Variants in GRIN2B observed in about 807,000 individuals in gnomAD.
The protein encoded by GRIN2B is glutamate receptor ionotropic, NMDA 2B.
A neutral mutation model predicts 114.5 loss-of-function variants in GRIN2B; 5 were observed. That is an observed-to-expected ratio of 0.04 (90% CI 0.02 to 0.09). The LOEUF is 0.09. Among genes scored for constraint, GRIN2B ranks in the 10% least tolerant of loss-of-function variants. The pLI is 1.00. For synonymous variants in GRIN2B, 787 were observed against 745.1 expected (o/e 1.06, Z -0.92); for missense variants, 1,108 against 1,943.5 (o/e 0.57, Z 8.08).
At chr12:13,729,956 T>C (rs1376879590) in intron 4 of GRIN2B, among the ~76,000 whole-genome samples, 1 of 151,564 alleles carries the variant, frequency 6.6e-6, no homozygotes, top group East Asian at 1.9e-4. Context: ...TCAGCACATG[T>C]ATCTTTGCTC....
chr12:13,563,636 A>G lies in GRIN2B; in HGVS notation c.3602T>C (p.Leu1201Pro). The G allele has an allele frequency of 6.2e-7, 1 of 1,613,892 alleles. No individual in the cohort carries two copies. Among genetic ancestry groups the G allele is most frequent in the Non-Finnish European group, 8.5e-7 (1 of 1,180,010 alleles). The change falls in exon 14 of 14, where the codon CTG becomes CCG. Residue 1201 changes from leucine (L) to proline (P), a missense_variant. By Grantham distance (98) the Leu-to-Pro change is moderately conservative (BLOSUM62 -3). This residue lies in a region of GRIN2B where 478 missense variants were observed against 506.0 expected (regional missense o/e 0.94). Coordinates refer to ENST00000609686, the MANE Select transcript of GRIN2B (RefSeq NM_000834.5). The part of the protein sequence containing the change: ...SGVPAPWEKN[L>P]TNVEWEDRSG... ...CCGGTCCTCCCACTCCACGTTGGTCAGGTTCTTCTCCCAAGGTGCAGGTAC... is the reference window on the plus strand; with the variant it reads ...CCGGTCCTCCCACTCCACGTTGGTCGGGTTCTTCTCCCAAGGTGCAGGTAC...
chr12:13,719,583 T>G (rs1950489621), intron 4 of GRIN2B, among the ~76,000 whole-genome samples: 1 of 152,124 alleles, frequency 6.6e-6, no homozygotes, highest in South Asian at 2.1e-4. Flanking sequence ...CACAGTACAA[T>G]GTGCAGGGAT....
intron 5 of GRIN2B, among the ~76,000 whole-genome samples, chr12:13,647,490 A>G (rs1346833097): frequency 1.3e-5 from 2 of 152,078 alleles, no homozygotes; most frequent in Non-Finnish European, 2.9e-5. Context: ...ATAACTATGT[A>G]TGGATTACAA....
chr12:13,797,749 C>CA (rs1407257397), intron 3 of GRIN2B, among the ~76,000 whole-genome samples: 1 of 152,170 alleles, frequency 6.6e-6, no homozygotes, highest in Non-Finnish European at 1.5e-5. Flanking sequence ...ACTCTATAAA[C>CA]AGACTTTACA....
intron 10 of GRIN2B, among the ~76,000 whole-genome samples, chr12:13,585,416 T>C (rs577533030): frequency 3.9e-5 from 6 of 152,322 alleles, no homozygotes; most frequent in South Asian, 2.1e-4. Flanking sequence ...TACTGTCACA[T>C]TGTGACCCAC....
In GRIN2B at chr12:13,753,484, T is replaced by C. The variant is rs201585449; in HGVS notation, c.843A>G (p.Ser281=). 3 of 1,614,178 alleles carry C rather than the reference T, an allele frequency of 1.9e-6. No individual in the cohort carries two copies. Among genetic ancestry groups the C allele is most frequent in the Non-Finnish European group, 2.5e-6 (3 of 1,180,022 alleles). The change falls in exon 4 of 14, where the codon TCA becomes TCG. Residue 281 remains serine (S), a synonymous_variant. Transcript: ENST00000609686. This position sits in a 1 kb window ranked among gnomAD's most constrained non-coding sequence, Gnocchi z 6.2. ...GGAGGCCATAGTCCCATTCATCATATGATACAGAGATGAGCCCAGTGGGGA... is the reference window on the plus strand; with the variant it reads ...GGAGGCCATAGTCCCATTCATCATACGATACAGAGATGAGCCCAGTGGGGA... ...AEFPTGLISV[S]YDEWDYGLPA...
chr12:13,935,681 A>C (rs1186815916), intron 2 of GRIN2B, among the ~76,000 whole-genome samples: 1 of 152,218 alleles, frequency 6.6e-6, no homozygotes, highest in Non-Finnish European at 1.5e-5. Context: ...CATACATATA[A>C]AGTAAATGGA....
intron 3 of GRIN2B, among the ~76,000 whole-genome samples, chr12:13,781,580 T>C (rs939558404): frequency 2.0e-5 from 3 of 152,224 alleles, no homozygotes; most frequent in Non-Finnish European, 4.4e-5. Context: ...TAAAGAAATT[T>C]AAGCTGCTTA....
At chr12:13,594,433 C>T (rs1339148518) in intron 10 of GRIN2B, among the ~76,000 whole-genome samples, 1 of 149,272 alleles carries the variant, frequency 6.7e-6, no homozygotes, top group East Asian at 2.0e-4. Flanking sequence ...CACAGAAAAC[C>T]AAATATCACA....
intron 5 of GRIN2B, among the ~76,000 whole-genome samples, chr12:13,627,041 G>A (rs1187353724): frequency 6.6e-6 from 1 of 151,912 alleles, no homozygotes; most frequent in Non-Finnish European, 1.5e-5. Context: ...TGTTAAGTCA[G>A]TCTCAATCTA....
chr12:13,675,867 G>A lies in GRIN2B; in HGVS notation c.1011-8C>T, dbSNP rs775178887. On this transcript the variant is annotated splice_region_variant and splice_polypyrimidine_tract_variant and intron_variant, in intron 4 of 13. Transcript: ENST00000609686. ...GTGACATTGATCAGATACCTGTAAA[G>A]ATAAAATAAAAGGAAGATTAAAAGT... 2 of 1,451,562 alleles carry A rather than the reference G, an allele frequency of 1.4e-6. No homozygotes were observed. The highest frequency in any genetic ancestry group is 1.1e-5 in the South Asian group (1 of 87,920). 89.9% of individuals were successfully genotyped at this position (1,451,562 alleles called of 1,614,324 possible). A position where few individuals can be genotyped will look rare whatever the true frequency, so the allele number is the denominator to read the frequency against.
In GRIN2B at chr12:13,589,336, A is replaced by G. The variant is rs1218438358; in HGVS notation, c.2011-17372T>C. Reference sequence around the variant, plus strand: ...TGGTAACAGGTAGAATCCAAGTTGAACAAGGGGCTTACAAGGTGATTGAGG... The same window carrying G: ...TGGTAACAGGTAGAATCCAAGTTGAGCAAGGGGCTTACAAGGTGATTGAGG... On this transcript the variant is annotated intron_variant, in intron 10 of 13. Coordinates refer to ENST00000609686, the MANE Select transcript of GRIN2B (RefSeq NM_000834.5). 8.5e-5 allele frequency among the ~76,000 whole-genome samples: 13 copies of G among 152,326 alleles called. No individual in the cohort carries two copies. The East Asian group carries it at 2.5e-3, about 29-fold the overall frequency.
intron 4 of GRIN2B, among the ~76,000 whole-genome samples, chr12:13,728,513 CT>C (rs1863030972): frequency 1.3e-5 from 2 of 152,006 alleles, no homozygotes; most frequent in Admixed American, 1.3e-4. Flanking sequence ...ACACAGAGAG[CT>C]GTAGTTTGGG....
At chr12:13,724,270 T>A (rs1862936482) in intron 4 of GRIN2B, among the ~76,000 whole-genome samples, 1 of 152,032 alleles carries the variant, frequency 6.6e-6, no homozygotes, top group Admixed American at 6.6e-5. Context: ...GGGATGAATA[T>A]CTAGGAGGAA....
chr12:13,829,940 T>A (rs775868354), intron 3 of GRIN2B, among the ~76,000 whole-genome samples: 1 of 152,068 alleles, frequency 6.6e-6, no homozygotes, highest in Non-Finnish European at 1.5e-5. Flanking sequence ...AGTGGTAAAG[T>A]GAGCTGGCAG....
rs1228308386 is a variant in GRIN2B at position 13,778,579 on chromosome 12, CCA to C, written c.412-24666_412-24665del. On this transcript the variant is annotated intron_variant, in intron 3 of 13. Transcript: ENST00000609686. ...GCACCCAGAGGCCTCAGAGCAGCTGCCATTTACTAACTAGTATAGAGAGTTCC... is the reference window on the plus strand; with the variant it reads ...GCACCCAGAGGCCTCAGAGCAGCTGCTTTACTAACTAGTATAGAGAGTTCC... Among the ~76,000 whole-genome samples, 296 of 152,276 alleles carry C rather than the reference CCA, an allele frequency of 1.9e-3. 2 individuals carry two copies. Among genetic ancestry groups the C allele is most frequent in the African/African-American group, 6.8e-3 (283 of 41,562 alleles).
intron 5 of GRIN2B, among the ~76,000 whole-genome samples, chr12:13,664,358 C>T (rs1949954713): frequency 6.6e-6 from 1 of 152,042 alleles, no homozygotes; most frequent in Non-Finnish European, 1.5e-5. Context: ...AAATGTTTCC[C>T]AAATTTCATT....
At chr12:13,594,928 C>T (rs1949053876) in intron 10 of GRIN2B, among the ~76,000 whole-genome samples, 1 of 152,168 alleles carries the variant, frequency 6.6e-6, no homozygotes, top group Non-Finnish European at 1.5e-5. Context: ...CAAGGCAATG[C>T]TACCACAGCT....
rs1362559379 is a variant in GRIN2B at position 13,557,381 on chromosome 12, G to A, written c.*5402C>T. On this transcript the variant is annotated 3_prime_UTR_variant, in exon 14 of 14. Transcript: ENST00000609686. ...AGGGCACCCCCTATGGAGGTGGAAA[G>A]TATAGGATATAGACCAACTCAGCTA... 1 of 152,194 alleles carries A rather than the reference G, an allele frequency of 6.6e-6. No homozygotes were observed. Among genetic ancestry groups the A allele is most frequent in the South Asian group, 2.1e-4 (1 of 4,826 alleles). 9.4% of individuals were successfully genotyped at this position (152,194 alleles called of 1,614,324 possible).
Sources: gnomAD v4.1 joint callset for allele counts (sites outside exome capture counted in the v4.1 genomes callset) on GRCh38, gnomAD v4.1.1 for gene constraint, gnomAD v4.1.1 regional missense constraint, Gnocchi (gnomAD v3.1) non-coding constraint, MANE v1.5 for transcripts, NCBI Gene and HGNC (gene_info 2026-07-23, HGNC 2026-07-21) for gene names.